Variants in PTPN4 observed in about 807,000 individuals in gnomAD.
PTPN4 encodes tyrosine-protein phosphatase non-receptor type 4.
In PTPN4, 49 loss-of-function variants were observed where a neutral mutation model predicts 135.5. That is an observed-to-expected ratio of 0.36 (90% CI 0.29 to 0.46). PTPN4 has a LOEUF of 0.46. Among genes scored for constraint, PTPN4 ranks in the 20% least tolerant of loss-of-function variants. The pLI is 1.00. For synonymous variants in PTPN4, 333 were observed against 369.9 expected (o/e 0.90, Z 1.14); for missense variants, 860 against 1,101.0 (o/e 0.78, Z 3.10).
At chr2:119,827,063 C>G (rs926277288) in intron 2 of PTPN4, among the ~76,000 whole-genome samples, 1 of 152,126 alleles carries the variant, frequency 6.6e-6, no homozygotes, top group African/African-American at 2.4e-5. Context: ...CAGTTTTGAT[C>G]TAACTAGGCG....
intron 18 of PTPN4, among the ~76,000 whole-genome samples, chr2:119,947,917 C>T (rs1342697771): frequency 1.3e-5 from 2 of 152,026 alleles, no homozygotes; most frequent in Non-Finnish European, 2.9e-5. Flanking sequence ...ATTACCAGCT[C>T]AGTAGCCCAC....
chr2:119,809,983 A>C lies in PTPN4; in HGVS notation c.130A>C (p.Lys44Gln). 6.2e-7 allele frequency: 1 copy of C among 1,606,608 alleles called. No homozygotes were observed. ...LLLDNTVQAFKVNKHDQGQVL... is the reference protein window; with the variant it reads ...LLLDNTVQAFQVNKHDQGQVL... Reference sequence around the variant, plus strand: ...TCTGGATAACACTGTACAAGCTTTCAAAGTCAATGTAAGTATTTTGTGTCT... The same window carrying C: ...TCTGGATAACACTGTACAAGCTTTCCAAGTCAATGTAAGTATTTTGTGTCT... The change falls in exon 2 of 27, where the codon AAA (lysine) becomes CAA (glutamine). Residue 44 changes from lysine (K) to glutamine (Q), a missense_variant. Physicochemically the swap from Lys to Gln is moderately conservative, Grantham distance 53. Coordinates refer to ENST00000263708, the MANE Select transcript of PTPN4 (RefSeq NM_002830.4).
chr2:119,876,191 A>G (rs1677980492), intron 3 of PTPN4, among the ~76,000 whole-genome samples: 1 of 152,198 alleles, frequency 6.6e-6, no homozygotes, highest in Non-Finnish European at 1.5e-5. Context: ...CTTTGGATCT[A>G]GTACTGAGAA....
intron 13 of PTPN4, among the ~76,000 whole-genome samples, chr2:119,928,371 C>T (rs1387136849): frequency 6.6e-6 from 1 of 151,942 alleles, no homozygotes; most frequent in Non-Finnish European, 1.5e-5. Flanking sequence ...ATTTAGTAGT[C>T]TACTATATGA....
At chr2:119,834,231 TAGTC>T (rs368417032) in intron 2 of PTPN4, among the ~76,000 whole-genome samples, 53 of 152,286 alleles carry the variant, frequency 3.5e-4, no homozygotes, top group African/African-American at 1.3e-3. Context: ...TTTTTAACTA[TAGTC>T]ACCCTACTCT....
chr2:119,965,390 A>G, intron 24 of PTPN4, 107 bp from the exon 25 acceptor site: 1 of 1,070,180 alleles, frequency 9.3e-7, no homozygotes, highest in South Asian at 1.7e-5. Flanking sequence ...AGCTGTGTTT[A>G]GTTTTCTATC....
intron 10 of PTPN4, among the ~76,000 whole-genome samples, chr2:119,901,092 T>C (rs934519993): frequency 1.3e-5 from 2 of 152,226 alleles, no homozygotes; most frequent in African/African-American, 2.4e-5. Context: ...CAGGGCAAAT[T>C]GTTTTACCAG....
intron 12 of PTPN4, 137 bp downstream of exon 12, chr2:119,920,378 T>C: frequency 1.1e-6 from 1 of 913,954 alleles, no homozygotes; most frequent in South Asian, 2.0e-5. Flanking sequence ...GATTGCAGCC[T>C]CTATATCAGT....
At chr2:119,914,285 A>C (rs1392151031) in intron 10 of PTPN4, among the ~76,000 whole-genome samples, 1 of 108,942 alleles carries the variant, frequency 9.2e-6, no homozygotes, top group African/African-American at 6.0e-5. Flanking sequence ...TTGCTTCTGG[A>C]AATAATGCCC....
At chr2:119,804,234 T>C (rs1281002387) in intron 1 of PTPN4, among the ~76,000 whole-genome samples, 1 of 152,102 alleles carries the variant, frequency 6.6e-6, no homozygotes. Flanking sequence ...TACCTCAGCC[T>C]CCTGAGTAGC....
chr2:119,773,747 A>T (rs1464161078), intron 1 of PTPN4, among the ~76,000 whole-genome samples: 1 of 151,876 alleles, frequency 6.6e-6, no homozygotes, highest in Non-Finnish European at 1.5e-5. Flanking sequence ...AAAAAAAAAA[A>T]AAAAACTAAA....
chr2:119,929,840 G>C (rs1678878183), intron 13 of PTPN4, among the ~76,000 whole-genome samples: 1 of 152,080 alleles, frequency 6.6e-6, no homozygotes, highest in African/African-American at 2.4e-5. Flanking sequence ...AGGTGAGTGT[G>C]CTGGAATTTT....
chr2:119,859,634 C>G (rs1165427861), intron 2 of PTPN4, among the ~76,000 whole-genome samples: 1 of 152,154 alleles, frequency 6.6e-6, no homozygotes, highest in Non-Finnish European at 1.5e-5. Flanking sequence ...AGTACCAACT[C>G]AATAGGGGAA....
At chr2:119,778,001 G>A (rs989820587) in intron 1 of PTPN4, among the ~76,000 whole-genome samples, 3 of 151,908 alleles carry the variant, frequency 2.0e-5, no homozygotes, top group African/African-American at 4.8e-5. Context: ...TATAGAGACC[G>A]GCATTCTTTT....
chr2:119,760,733 C>CTTTTTTTTTTTTTT (rs59953430), intron 1 of PTPN4, among the ~76,000 whole-genome samples: 22 of 79,912 alleles, frequency 2.8e-4, no homozygotes, highest in African/African-American at 3.5e-4. Context: ...GGTAGAATTC[C>CTTTTTTTTTTTTTT]TTTTTTTTTT....
chr2:119,956,725 G>A, intron 20 of PTPN4, 119 bp from the exon 21 acceptor site: 1 of 1,513,284 alleles, frequency 6.6e-7, no homozygotes, highest in South Asian at 1.3e-5. Context: ...TCATTGTATA[G>A]ATGACCTATT....
chr2:119,827,659 G>C (rs1170014854), intron 2 of PTPN4, among the ~76,000 whole-genome samples: 1 of 152,144 alleles, frequency 6.6e-6, no homozygotes, highest in African/African-American at 2.4e-5. Context: ...AATATTACCA[G>C]TACTTCAGAT....
At chr2:119,832,614 A>G (rs1677235318) in intron 2 of PTPN4, among the ~76,000 whole-genome samples, 1 of 151,646 alleles carries the variant, frequency 6.6e-6, no homozygotes, top group African/African-American at 2.4e-5. Flanking sequence ...TTTCTTACTG[A>G]TTTTTCAATT....
intron 1 of PTPN4, among the ~76,000 whole-genome samples, chr2:119,806,531 C>G (rs1017920471): frequency 2.0e-5 from 3 of 152,134 alleles, no homozygotes; most frequent in Non-Finnish European, 2.9e-5. Flanking sequence ...AGCTAACTAT[C>G]CTAAATATAT....
Sources: gnomAD v4.1 joint callset for allele counts (sites outside exome capture counted in the v4.1 genomes callset) on GRCh38, gnomAD v4.1.1 for gene constraint, MANE v1.5 for transcripts, NCBI Gene and HGNC (gene_info 2026-07-23, HGNC 2026-07-21) for gene names.